Variants in R3HDML observed in about 807,000 individuals in gnomAD.
R3HDML encodes the protein R3H domain containing like.
A neutral mutation model predicts 24.2 loss-of-function variants in R3HDML; 21 were observed. The ratio of observed to expected loss-of-function variants is 0.87; its 90% CI spans 0.62 to 1.25. R3HDML has a LOEUF of 1.25. R3HDML is among the 50% of genes most tolerant of loss of function. The pLI is 0.00. For synonymous variants in R3HDML, 133 were observed against 131.5 expected (o/e 1.01, Z -0.08); for missense variants, 301 against 340.3 (o/e 0.88, Z 0.91).
intron 4 of R3HDML, among the ~76,000 whole-genome samples, chr20:44,348,482 C>CTCCTTTTCCCTTTCTCCTT (rs1877224934): frequency 7.4e-6 from 1 of 135,132 alleles, no homozygotes; most frequent in Non-Finnish European, 1.6e-5. Context: ...TTTTCCCTTT[C>CTCCTTTTCCCTTTCTCCTT]TCCTTTCCTT....
chr20:44,337,199 C>T lies in R3HDML; in HGVS notation c.42C>T (p.Leu14=), dbSNP rs779209876. The change falls in exon 1 of 5, where the codon CTC becomes CTT. Residue 14 remains leucine, a synonymous_variant. Transcript: ENST00000217043. The surrounding 1 kb of genome is among the most constrained non-coding windows in gnomAD (Gnocchi z 4.7). The part of the protein sequence containing the change: ...LPSTVGLAGL[L]FWAGQAVNAL... ...GCACCGTGGGCCTGGCAGGCCTGCTCTTCTGGGCTGGCCAGGCAGTGAACG... is the reference window on the plus strand; with the variant it reads ...GCACCGTGGGCCTGGCAGGCCTGCTTTTCTGGGCTGGCCAGGCAGTGAACG... 107 of 1,613,546 alleles carry T rather than the reference C, an allele frequency of 6.6e-5. No individual in the cohort carries two copies. Among genetic ancestry groups the T allele is most frequent in the Non-Finnish European group, 8.7e-5 (103 of 1,180,006 alleles).
intron 2 of R3HDML, 137 bp downstream of exon 2, chr20:44,341,451 C>A: frequency 1.5e-6 from 1 of 661,502 alleles, no homozygotes; most frequent in Non-Finnish European, 2.5e-6. Flanking sequence ...TGCAGGGAGC[C>A]TGCATTCTAG....
At chr20:44,345,537 C>T (rs2062784185) in intron 4 of R3HDML, among the ~76,000 whole-genome samples, 159 bp downstream of exon 4, 1 of 152,082 alleles carries the variant, frequency 6.6e-6, no homozygotes, top group Non-Finnish European at 1.5e-5. Context: ...AGCATGGTGG[C>T]TCACGCCTGA....
intron 4 of R3HDML, among the ~76,000 whole-genome samples, chr20:44,347,230 T>C (rs1298762919): frequency 6.7e-6 from 1 of 149,014 alleles, no homozygotes; most frequent in East Asian, 1.9e-4. Flanking sequence ...TCTTTTTTTT[T>C]TGGGGGGGGA....
intron 4 of R3HDML, among the ~76,000 whole-genome samples, chr20:44,345,839 A>G (rs2062785425): frequency 8.1e-6 from 1 of 124,152 alleles, no homozygotes; most frequent in Non-Finnish European, 2.0e-5. Flanking sequence ...CTTTTTTTTG[A>G]GAAGAGGCCT....
At chr20:44,339,339 T>C (rs2062766076) in intron 1 of R3HDML, among the ~76,000 whole-genome samples, 1 of 152,206 alleles carries the variant, frequency 6.6e-6, no homozygotes, top group Non-Finnish European at 1.5e-5. Flanking sequence ...AGAGATGTTG[T>C]TTGATATTTG....
chr20:44,348,476 CCCTTTCTCCTTTCCTTTCCTTTCCTT>C (rs1568678443), intron 4 of R3HDML, among the ~76,000 whole-genome samples: 80 of 76,100 alleles, frequency 1.1e-3, no homozygotes, highest in Middle Eastern at 7.8e-3. Flanking sequence ...TTCTCCTTTT[CCCTTTCTCCTTTCCTTTCCTTTCCTT>C]TCCTTTCCTT....
intron 4 of R3HDML, among the ~76,000 whole-genome samples, chr20:44,348,047 C>G (rs1342294855): frequency 6.7e-6 from 1 of 150,330 alleles, no homozygotes; most frequent in African/African-American, 2.5e-5. Flanking sequence ...TCACGGCAGC[C>G]TCAACCTCCC....
chr20:44,345,476 G>A, intron 4 of R3HDML, 98 bp downstream of exon 4: 1 of 829,386 alleles, frequency 1.2e-6, no homozygotes, highest in Non-Finnish European at 2.0e-6. Flanking sequence ...TTCATTCTAA[G>A]TGCCCTCAAT....
At position 44,349,825 on chromosome 20, in the gene R3HDML, T is replaced by C. The variant is rs372911582; in HGVS notation, c.630-835T>C. On this transcript the variant is annotated intron_variant, in intron 4 of 4. Transcript: ENST00000217043. ...TGGCTCACGTCTGTAATTCCAGCAC[T>C]TTGGGAGGCCAAGGTGGGCAGATCA... Among the ~76,000 whole-genome samples the C allele has an allele frequency of 7.9e-5, 12 of 152,284 alleles. No individual in the cohort carries two copies. In the East Asian group the frequency reaches 2.1e-3, roughly 27 times the overall value.
In R3HDML at chr20:44,350,651, C is replaced by A; in HGVS notation, c.630-9C>A. The A allele has an allele frequency of 6.2e-7, 1 of 1,611,736 alleles. No individual in the cohort carries two copies. Among genetic ancestry groups the A allele is most frequent in the Admixed American group, 1.7e-5 (1 of 59,310 alleles). ...CTCCTCTGTCTCCCTGGGTCCTTTT[C>A]TCTTCCAGGGGCAACTGGATTGGCG... On this transcript the variant is annotated splice_polypyrimidine_tract_variant and intron_variant, in intron 4 of 4. Transcript: ENST00000217043.
chr20:44,337,475 C>G lies in R3HDML; in HGVS notation c.261+57C>G, dbSNP rs529208323. On this transcript the variant is annotated intron_variant, in intron 1 of 4. Transcript: ENST00000217043. This position sits in a 1 kb window ranked among gnomAD's most constrained non-coding sequence, Gnocchi z 4.7. Reference sequence around the variant, plus strand: ...CAGTGTCCCTTCCGGCAAACGCAGCCGGACTCATCTTGGCCTAGAATGACT... The same window carrying G: ...CAGTGTCCCTTCCGGCAAACGCAGCGGGACTCATCTTGGCCTAGAATGACT... The G allele has an allele frequency of 1.3e-6, 2 of 1,560,884 alleles. No individual in the cohort carries two copies. Among genetic ancestry groups the G allele is most frequent in the East Asian group, 2.3e-5 (1 of 44,242 alleles).
intron 1 of R3HDML, among the ~76,000 whole-genome samples, chr20:44,339,029 AGCCAGCCT>A (rs1448884860): frequency 2.0e-5 from 3 of 150,396 alleles, no homozygotes; most frequent in Non-Finnish European, 3.0e-5. Flanking sequence ...GCCGAGATCC[AGCCAGCCT>A]GGATGACAAG....
At chr20:44,339,821 C>A (rs1247923221) in intron 1 of R3HDML, among the ~76,000 whole-genome samples, 1 of 152,022 alleles carries the variant, frequency 6.6e-6, no homozygotes, top group Non-Finnish European at 1.5e-5. Context: ...CTCTGTTGCC[C>A]AAGCTGGAGT....
chr20:44,345,840 GA>G (rs1260905582), intron 4 of R3HDML, among the ~76,000 whole-genome samples: 4 of 123,998 alleles, frequency 3.2e-5, no homozygotes, highest in African/African-American at 1.1e-4. Flanking sequence ...TTTTTTTTGA[GA>G]AGAGGCCTTG....
chr20:44,341,084 G>A (rs1038529167), intron 1 of R3HDML, 112 bp from the exon 2 acceptor site: 3 of 842,554 alleles, frequency 3.6e-6, no homozygotes, highest in African/African-American at 3.4e-5. Context: ...GTTTGTTGCA[G>A]GGTTCCAGGG....
intron 1 of R3HDML, among the ~76,000 whole-genome samples, chr20:44,339,083 A>T (rs1325493710): frequency 3.3e-5 from 5 of 151,534 alleles, no homozygotes; most frequent in Admixed American, 6.6e-5. Flanking sequence ...AAAAAAAAAA[A>T]ATATTGGGCC....
intron 1 of R3HDML, among the ~76,000 whole-genome samples, chr20:44,338,042 C>T (rs2062762444): frequency 1.3e-5 from 2 of 152,172 alleles, no homozygotes; most frequent in African/African-American, 4.8e-5. Flanking sequence ...TGTCTCCCCT[C>T]AAAGAGGCAG....
chr20:44,337,380 G>A lies in R3HDML; in HGVS notation c.223G>A (p.Ala75Thr). The A allele has an allele frequency of 1.2e-6, 2 of 1,614,182 alleles. No individual in the cohort carries two copies. Among genetic ancestry groups the A allele is most frequent in the Non-Finnish European group, 1.7e-6 (2 of 1,180,024 alleles). ...ALLDYHNHIR[A>T]SVYPPAANME... ...ACTGGATTATCACAACCACATCCGG[G>A]CCAGTGTGTACCCACCTGCCGCCAA... Residue 75 changes from alanine to threonine, a missense_variant, in exon 1 of 5, where the codon GCC (alanine) becomes ACC (threonine). Transcript: ENST00000217043. The surrounding 1 kb of genome is among the most constrained non-coding windows in gnomAD (Gnocchi z 4.7).
Sources: gnomAD v4.1 joint callset for allele counts (sites outside exome capture counted in the v4.1 genomes callset) on GRCh38, gnomAD v4.1.1 for gene constraint, Gnocchi (gnomAD v3.1) non-coding constraint, MANE v1.5 for transcripts, NCBI Gene and HGNC (gene_info 2026-07-23, HGNC 2026-07-21) for gene names.